The following CCDC91 variants were observed in gnomAD, a reference collection of about 807,000 sequenced individuals.
CCDC91 encodes coiled-coil domain containing 91, also known as coiled-coil domain-containing protein 91.
Under a neutral mutation model 63.2 loss-of-function variants are expected in CCDC91, and 48 were observed. The observed-to-expected ratio is 0.76, with a 90% CI of 0.60 to 0.97. The LOEUF is 0.97. CCDC91 is among the 50% of genes least tolerant of loss of function. The pLI is 0.00. For missense variants in CCDC91, 500 were observed against 494.6 expected (o/e 1.01, Z -0.10); for synonymous variants, 167 against 165.8 (o/e 1.01, Z -0.06).
chr12:28,418,829 T>C (rs1231844281), intron 8 of CCDC91, among the ~76,000 whole-genome samples: 2 of 152,140 alleles, frequency 1.3e-5, no homozygotes, highest in East Asian at 3.9e-4. Flanking sequence ...AAAATGTTTG[T>C]TGAGAGCTTT....
At chr12:28,329,335 T>A (rs558330390) in intron 6 of CCDC91, among the ~76,000 whole-genome samples, 1 of 152,286 alleles carries the variant, frequency 6.6e-6, no homozygotes, top group South Asian at 2.1e-4. Context: ...ATGTATTTCA[T>A]TCCCACCAAA....
intron 8 of CCDC91, among the ~76,000 whole-genome samples, chr12:28,406,198 A>G (rs1005410115): frequency 6.6e-6 from 1 of 151,902 alleles, no homozygotes; most frequent in African/African-American, 2.4e-5. Flanking sequence ...TCACCTAGGT[A>G]TTAAGCCCAG....
intron 8 of CCDC91, among the ~76,000 whole-genome samples, chr12:28,391,793 C>T (rs575173557): frequency 6.6e-6 from 1 of 152,244 alleles, no homozygotes; most frequent in Non-Finnish European, 1.5e-5. Flanking sequence ...TCATTCTGTA[C>T]AGGCATTGGC....
intron 8 of CCDC91, among the ~76,000 whole-genome samples, chr12:28,428,114 A>G (rs377733110): frequency 1.3e-5 from 2 of 152,134 alleles, no homozygotes; most frequent in Non-Finnish European, 2.9e-5. Flanking sequence ...TAAGTACTTA[A>G]TATTCTCTTT....
intron 12 of CCDC91, among the ~76,000 whole-genome samples, chr12:28,544,912 C>T (rs139039923): frequency 4.1e-4 from 62 of 152,050 alleles, no homozygotes; most frequent in African/African-American, 1.4e-3. Flanking sequence ...CATGCTATTT[C>T]CCCCCACAAG....
chr12:28,511,754 TGTCAATTTTGTGTTGGAAAAAAA>T (rs1288051229), intron 12 of CCDC91, among the ~76,000 whole-genome samples: 1 of 151,924 alleles, frequency 6.6e-6, no homozygotes, highest in Non-Finnish European at 1.5e-5. Context: ...CGCACTCATA[TGTCAATTTTGTGTTGGAAAAAAA>T]ATGATGTGGT....
chr12:28,315,467 G>A (rs191969737), intron 6 of CCDC91, among the ~76,000 whole-genome samples: 113 of 151,902 alleles, frequency 7.4e-4, no homozygotes, highest in Middle Eastern at 3.4e-3. Flanking sequence ...ACCTGACCTT[G>A]TATATTCTTA....
chr12:28,200,782 C>T (rs888717890), intron 1 of CCDC91, among the ~76,000 whole-genome samples: 1 of 151,752 alleles, frequency 6.6e-6, no homozygotes, highest in African/African-American at 2.4e-5. Context: ...TCTCAATGAG[C>T]TGTTGGGTAC....
chr12:28,452,456 C>T, intron 10 of CCDC91, 22 bp from the exon 11 acceptor site: 2 of 1,483,264 alleles, frequency 1.3e-6, no homozygotes, highest in South Asian at 1.3e-5. Flanking sequence ...CAAATTTGTT[C>T]TGGTCTTTAT....
chr12:28,252,235 C>G (rs1326735617), intron 1 of CCDC91, among the ~76,000 whole-genome samples: 2 of 152,104 alleles, frequency 1.3e-5, no homozygotes, highest in African/African-American at 2.4e-5. Flanking sequence ...CTCTACTGTG[C>G]CTTGCTGTGG....
At chr12:28,391,528 A>G in intron 8 of CCDC91, 117 bp downstream of exon 8, 2 of 583,102 alleles carry the variant, frequency 3.4e-6, no homozygotes. Context: ...TTGGAGAAAA[A>G]ATGTGCTTAT....
chr12:28,509,116 G>A (rs1161360173), intron 12 of CCDC91, among the ~76,000 whole-genome samples: 3 of 151,906 alleles, frequency 2.0e-5, no homozygotes, highest in African/African-American at 4.8e-5. Flanking sequence ...AGGAACCACC[G>A]TAGTTGTGTC....
chr12:28,463,968 G>T, intron 11 of CCDC91, among the ~76,000 whole-genome samples: 1 of 152,144 alleles, frequency 6.6e-6, no homozygotes, highest in Non-Finnish European at 1.5e-5. Flanking sequence ...CACTGAAGAT[G>T]TAGGCAAAAC....
intron 6 of CCDC91, among the ~76,000 whole-genome samples, chr12:28,359,505 AT>A (rs1943737560): frequency 6.6e-6 from 1 of 152,208 alleles, no homozygotes; most frequent in Non-Finnish European, 1.5e-5. Context: ...AGAAAATAAT[AT>A]TTAATCAGAT....
At chr12:28,292,031 C>T (rs1018496306) in intron 3 of CCDC91, among the ~76,000 whole-genome samples, 4 of 152,150 alleles carry the variant, frequency 2.6e-5, no homozygotes, top group African/African-American at 4.8e-5. Flanking sequence ...GTTGATGTTG[C>T]GAGTTGTCTC....
intron 2 of CCDC91, 69 bp from the exon 3 acceptor site, chr12:28,259,290 CTGGAA>C: frequency 1.9e-6 from 2 of 1,072,184 alleles, no homozygotes; most frequent in South Asian, 2.5e-5. Flanking sequence ...GCCTATTGAA[CTGGAA>C]TGCTTGATCA....
chr12:28,304,595 A>G, intron 3 of CCDC91: 1 of 958,602 alleles, frequency 1.0e-6, no homozygotes, highest in Non-Finnish European at 1.4e-6. Flanking sequence ...TTTTGTTTAT[A>G]TCTAATGGCC....
intron 1 of CCDC91, among the ~76,000 whole-genome samples, chr12:28,254,606 A>G (rs892885459): frequency 6.6e-6 from 1 of 152,104 alleles, no homozygotes; most frequent in African/African-American, 2.4e-5. Flanking sequence ...CCTATTTAAA[A>G]TGCTCAGAAG....
intron 8 of CCDC91, among the ~76,000 whole-genome samples, chr12:28,431,570 T>C (rs1948627552): frequency 6.6e-6 from 1 of 152,118 alleles, no homozygotes; most frequent in African/African-American, 2.4e-5. Flanking sequence ...TCAGTTTTTC[T>C]GGGTTTAGAT....
Sources: allele counts gnomAD v4.1 joint callset (sites outside exome capture counted in the v4.1 genomes callset), GRCh38; gene constraint gnomAD v4.1.1; transcripts MANE v1.5; gene names NCBI Gene and HGNC (gene_info 2026-07-23, HGNC 2026-07-21).